TBC1D22A: variants seen among roughly 807,000 people sequenced by gnomAD.
The protein encoded by TBC1D22A is putative GTPase activator.
Under a neutral mutation model 60.2 loss-of-function variants are expected in TBC1D22A, and 38 were observed. The observed-to-expected ratio is 0.63, with a 90% CI of 0.49 to 0.83. The LOEUF (loss-of-function observed/expected upper bound fraction) is 0.83, where lower values mean the gene tolerates loss of function less well. Among genes scored for constraint, TBC1D22A ranks in the 40% least tolerant of loss-of-function variants. The pLI is 0.00. For synonymous variants in TBC1D22A, 302 were observed against 281.7 expected (o/e 1.07, Z -0.72); for missense variants, 628 against 701.0 (o/e 0.90, Z 1.18).
chr22:46,850,163 A>G (rs1164269295), intron 4 of TBC1D22A, among the ~76,000 whole-genome samples: 1 of 152,186 alleles, frequency 6.6e-6, no homozygotes, highest in Admixed American at 6.5e-5. Flanking sequence ...ACAGGTCAGC[A>G]GAGATGGAGA....
In TBC1D22A at chr22:46,944,181, C is replaced by T. The variant is rs542915277; in HGVS notation, c.1016-30109C>T. Among the ~76,000 whole-genome samples, 5 of 152,336 alleles carry T rather than the reference C, an allele frequency of 3.3e-5. No homozygotes were observed. The South Asian group carries it at 8.3e-4, about 25-fold the overall frequency. On this transcript the variant is annotated intron_variant, in intron 8 of 12. Coordinates refer to ENST00000337137, the MANE Select transcript of TBC1D22A (RefSeq NM_014346.5). Reference sequence around the variant, plus strand: ...AAAGGAGGAGGGTTGTGTTTCTCCACATCCCTGTCAGCACTTACTATTGTT... The same window carrying T: ...AAAGGAGGAGGGTTGTGTTTCTCCATATCCCTGTCAGCACTTACTATTGTT...
intron 12 of TBC1D22A, among the ~76,000 whole-genome samples, chr22:47,126,970 T>C (rs2147103854): frequency 6.6e-6 from 1 of 152,268 alleles, no homozygotes; most frequent in Non-Finnish European, 1.5e-5. Flanking sequence ...GAGCTACCGA[T>C]TTTTCACACG....
intron 7 of TBC1D22A, among the ~76,000 whole-genome samples, chr22:46,902,316 G>A (rs144928299): frequency 6.6e-6 from 1 of 152,312 alleles, no homozygotes; most frequent in East Asian, 1.9e-4. Flanking sequence ...TATTATTGTT[G>A]AGTATTAACT....
chr22:47,111,584 T>C lies in TBC1D22A; in HGVS notation c.1406T>C (p.Leu469Pro). 6.2e-7 allele frequency: 1 copy of C among 1,613,956 alleles called. No homozygotes were observed. The highest frequency in any genetic ancestry group is 2.2e-5 in the East Asian group (1 of 44,886). ...AFLVRWRKEI[L>P]EEKDFQELLL... Reference sequence around the variant, plus strand: ...CTCGTGAGATGGAGGAAGGAAATACTAGAAGAAAAAGATTTTCAAGTAAGT... The same window carrying C: ...CTCGTGAGATGGAGGAAGGAAATACCAGAAGAAAAAGATTTTCAAGTAAGT... The change falls in exon 12 of 13, where the codon CTA becomes CCA. Residue 469 changes from leucine (L) to proline (P), a missense_variant. Transcript: ENST00000337137.
At chr22:47,043,611 C>T (rs984986697) in intron 11 of TBC1D22A, among the ~76,000 whole-genome samples, 1 of 152,090 alleles carries the variant, frequency 6.6e-6, no homozygotes, top group Non-Finnish European at 1.5e-5. Context: ...TTCATCTTTC[C>T]AGGGGAGGAG....
chr22:47,151,779 C>T (rs1039807163), intron 12 of TBC1D22A, among the ~76,000 whole-genome samples: 12 of 152,334 alleles, frequency 7.9e-5, no homozygotes, highest in South Asian at 2.1e-4. Context: ...CCTGGGGGAA[C>T]GGAGAGCATA....
At chr22:47,133,187 G>T (rs1315785991) in intron 12 of TBC1D22A, among the ~76,000 whole-genome samples, 7 of 152,226 alleles carry the variant, frequency 4.6e-5, no homozygotes, top group African/African-American at 1.7e-4. Context: ...TGTTTTCTCA[G>T]CGGTTCCCAA....
intron 4 of TBC1D22A, among the ~76,000 whole-genome samples, chr22:46,821,258 G>T (rs1273299208): frequency 6.6e-6 from 1 of 152,126 alleles, no homozygotes; most frequent in Admixed American, 6.5e-5. Flanking sequence ...ATTGTTATGT[G>T]TGAATTTGGT....
In TBC1D22A at chr22:46,867,690, G is replaced by GA. The variant is rs1314168542; in HGVS notation, c.638-10958dup. Among the ~76,000 whole-genome samples, 5 of 152,340 alleles carry GA rather than the reference G, an allele frequency of 3.3e-5. No individual in the cohort carries two copies. The East Asian group carries it at 9.6e-4, about 29-fold the overall frequency. ...TGAAGATGATGACGTTAACACTGTA[G>GA]AAAAAGCATCTATAGATGACATGGC... is the stretch of plus-strand genomic sequence containing the variant. On this transcript the variant is annotated intron_variant, in intron 4 of 12. Coordinates refer to ENST00000337137, the MANE Select transcript of TBC1D22A (RefSeq NM_014346.5).
chr22:46,982,955 G>A (rs538264742), intron 9 of TBC1D22A, among the ~76,000 whole-genome samples: 7 of 152,208 alleles, frequency 4.6e-5, no homozygotes, highest in Non-Finnish European at 8.8e-5. Flanking sequence ...GGGAGATGCC[G>A]CTGCGTGGAC....
chr22:47,020,733 A>G (rs984480319), intron 10 of TBC1D22A, among the ~76,000 whole-genome samples: 1 of 152,090 alleles, frequency 6.6e-6, no homozygotes, highest in Non-Finnish European at 1.5e-5. Context: ...GGTGACTGCC[A>G]TGGGTCATCA....
rs368718415 is a variant in TBC1D22A at position 46,793,759 on chromosome 22, C to T, written c.378C>T (p.Pro126=). Residue 126 remains proline, a synonymous_variant, in exon 3 of 13, where the codon CCC becomes CCT. Coordinates refer to ENST00000337137, the MANE Select transcript of TBC1D22A (RefSeq NM_014346.5). ...CAGGGCTTCAGCAGAAGCCCAGGCC[C>T]GAGGCAGAGCCGCCCTCACCCCCCA... ...EGPGLQQKPR[P]EAEPPSPPSG... 38 of 1,604,362 alleles carry T rather than the reference C, an allele frequency of 2.4e-5. No individual in the cohort carries two copies. The highest frequency in any genetic ancestry group is 2.1e-4 in the African/African-American group (16 of 74,626).
intron 12 of TBC1D22A, among the ~76,000 whole-genome samples, chr22:47,169,138 C>G (rs5767559): frequency 0.39 from 59,312 of 152,096 alleles, 12,842 homozygotes; most frequent in East Asian, 0.72. Context: ...CCACCTCCAC[C>G]CTGTGTCCCA....
At chr22:46,775,870 T>C (rs922045518) in intron 1 of TBC1D22A, among the ~76,000 whole-genome samples, 2 of 152,244 alleles carry the variant, frequency 1.3e-5, no homozygotes, top group South Asian at 2.1e-4. Flanking sequence ...ACGGTGTACC[T>C]TTAAAATGCT....
chr22:47,120,402 C>G (rs568633215), intron 12 of TBC1D22A, among the ~76,000 whole-genome samples: 5 of 152,296 alleles, frequency 3.3e-5, no homozygotes, highest in Admixed American at 2.6e-4. Flanking sequence ...TTGTCCTCTC[C>G]CCATACAGTC....
In TBC1D22A at chr22:47,063,903, T is replaced by A. The variant is rs116403602; in HGVS notation, c.1329+26705T>A. The stretch of plus-strand genomic sequence containing the variant: ...TGTGGCTGTGTCCACGTTTTCCTCT[T>A]CTGTGAGGACACCCATCGTTGGATC... On this transcript the variant is annotated intron_variant, in intron 11 of 12. Coordinates refer to ENST00000337137, the MANE Select transcript of TBC1D22A (RefSeq NM_014346.5). Among the ~76,000 whole-genome samples the A allele has an allele frequency of 2.2e-3, 336 of 152,082 alleles. 3 individuals carry two copies. The highest frequency in any genetic ancestry group is 6.9e-3 in the African/African-American group (288 of 41,442).
At chr22:46,769,623 C>A (rs973658764) in intron 1 of TBC1D22A, among the ~76,000 whole-genome samples, 1 of 151,834 alleles carries the variant, frequency 6.6e-6, no homozygotes, top group African/African-American at 2.4e-5. Flanking sequence ...GAGTGGGGAG[C>A]GCTTGACTGG....
chr22:47,003,857 A>G (rs2061488075), intron 10 of TBC1D22A, among the ~76,000 whole-genome samples: 3 of 144,512 alleles, frequency 2.1e-5, no homozygotes, highest in South Asian at 2.2e-4. Flanking sequence ...ACATGCCTGT[A>G]TACACACACC....
chr22:47,114,036 C>T (rs1262651358), intron 12 of TBC1D22A, among the ~76,000 whole-genome samples: 2 of 152,164 alleles, frequency 1.3e-5, no homozygotes, highest in East Asian at 3.9e-4. Context: ...TGACAAGGTG[C>T]CCTCATTCCT....
Sources: gnomAD v4.1 joint callset for allele counts (sites outside exome capture counted in the v4.1 genomes callset) on GRCh38, gnomAD v4.1.1 for gene constraint, MANE v1.5 for transcripts, NCBI Gene and HGNC (gene_info 2026-07-23, HGNC 2026-07-21) for gene names.